FGF12: variants seen among roughly 807,000 people sequenced by gnomAD.
FGF12 encodes fibroblast growth factor 12B.
Under a neutral mutation model 23.6 loss-of-function variants are expected in FGF12, and 14 were observed. The observed-to-expected ratio is 0.59, with a 90% confidence interval of 0.39 to 0.93. The LOEUF (loss-of-function observed/expected upper bound fraction) is 0.93. FGF12 is among the 40% of genes least tolerant of loss of function. The pLI, the probability that FGF12 is intolerant of heterozygous loss-of-function variation, is 0.00. For synonymous variants in FGF12, 62 were observed against 77.3 expected (o/e 0.80, Z 1.04); for missense variants, 175 against 217.8 (o/e 0.80, Z 1.24).
chr3:192,294,665 A>G (rs1200519597), intron 4 of FGF12, among the ~76,000 whole-genome samples: 3 of 152,188 alleles, frequency 2.0e-5, no homozygotes, highest in African/African-American at 7.2e-5. Flanking sequence ...TTAATGTTTA[A>G]CATGCTTTTT....
At chr3:192,447,177 A>C (rs926610159) in intron 2 of FGF12, among the ~76,000 whole-genome samples, 1 of 152,216 alleles carries the variant, frequency 6.6e-6, no homozygotes, top group Admixed American at 6.5e-5. Flanking sequence ...CTGTGTTCCT[A>C]GAGTGCTTGG....
chr3:192,660,697 G>A (rs75178343), intron 2 of FGF12, among the ~76,000 whole-genome samples: 3,972 of 152,158 alleles, frequency 0.026, 76 homozygotes, highest in Non-Finnish European at 0.037. Flanking sequence ...CTTCTACATT[G>A]GAAGCAGGAG....
At chr3:192,594,183 C>T (rs1181244281) in intron 2 of FGF12, among the ~76,000 whole-genome samples, 1 of 151,710 alleles carries the variant, frequency 6.6e-6, no homozygotes, top group Non-Finnish European at 1.5e-5. Context: ...TAACTGGACA[C>T]AATGGATAAA....
At chr3:192,584,428 G>A (rs554578211) in intron 2 of FGF12, among the ~76,000 whole-genome samples, 9 of 151,900 alleles carry the variant, frequency 5.9e-5, no homozygotes, top group East Asian at 1.9e-4. Context: ...GGCCCAGAGA[G>A]GTCCAGAGAT....
At chr3:192,420,322 G>A (rs567113049) in intron 2 of FGF12, among the ~76,000 whole-genome samples, 22 of 149,666 alleles carry the variant, frequency 1.5e-4, no homozygotes, top group African/African-American at 5.5e-4. Flanking sequence ...TTAAGTTGCA[G>A]TCATGGTTAT....
intron 4 of FGF12, among the ~76,000 whole-genome samples, chr3:192,305,820 T>C (rs1375558686): frequency 6.7e-6 from 1 of 148,334 alleles, no homozygotes; most frequent in Non-Finnish European, 1.5e-5. Context: ...TTTTCTAAGA[T>C]AGCAATAATG....
At position 192,408,988 on chromosome 3, in the gene FGF12, G is replaced by C. The variant is rs1214224849; in HGVS notation, c.14-48450C>G. 1.0e-6 allele frequency: 1 copy of C among 984,656 alleles called. No homozygotes were observed. Among genetic ancestry groups the C allele is most frequent in the Non-Finnish European group, 1.2e-6 (1 of 829,598 alleles). The allele number at this position is 984,656 out of a possible 1,614,324, so 61.0% of individuals were successfully genotyped here. A position where few individuals can be genotyped will look rare whatever the true frequency, so the allele number is the denominator to read the frequency against. ...GAGCGGTTACCCGGAGTCTGGGTAG[G>C]GGCGCGGGGCGGGGGCAGCTGTTTC... On this transcript the variant is annotated intron_variant, in intron 2 of 5. Coordinates refer to ENST00000445105, the MANE Select transcript of FGF12 (RefSeq NM_004113.6). This position sits in a 1 kb window ranked among gnomAD's most constrained non-coding sequence, Gnocchi z 7.3.
intron 3 of FGF12, among the ~76,000 whole-genome samples, chr3:192,356,199 C>T (rs1416147664): frequency 6.6e-6 from 1 of 152,152 alleles, no homozygotes; most frequent in Non-Finnish European, 1.5e-5. Context: ...CCTCCCACAC[C>T]AAGGGGGTTT....
chr3:192,504,272 T>C (rs1724228512), intron 2 of FGF12, among the ~76,000 whole-genome samples: 1 of 152,112 alleles, frequency 6.6e-6, no homozygotes, highest in Non-Finnish European at 1.5e-5. Flanking sequence ...AAATAACCTG[T>C]ACCCCAAATC....
At chr3:192,491,575 T>C (rs1007997051) in intron 2 of FGF12, among the ~76,000 whole-genome samples, 6 of 152,152 alleles carry the variant, frequency 3.9e-5, no homozygotes, top group African/African-American at 1.4e-4. Flanking sequence ...CTTTACCTCT[T>C]AGATCTGCAA....
chr3:192,299,814 T>G (rs1325731229), intron 4 of FGF12, among the ~76,000 whole-genome samples: 2 of 152,236 alleles, frequency 1.3e-5, no homozygotes, highest in African/African-American at 4.8e-5. Context: ...CTCTGTGCAA[T>G]GAGTAAGGCA....
intron 3 of FGF12, among the ~76,000 whole-genome samples, chr3:192,356,132 A>AC (rs1174861617): frequency 1.3e-5 from 2 of 152,098 alleles, no homozygotes; most frequent in Non-Finnish European, 2.9e-5. Context: ...ACTAAATGAG[A>AC]CCTTAAAAGT....
At position 192,347,497 on chromosome 3, in the gene FGF12, T is replaced by C. The variant is rs1199130074; in HGVS notation, c.125-12033A>G. On this transcript the variant is annotated intron_variant, in intron 3 of 5. Transcript: ENST00000445105. ...AGCCATTGTTGAGAACCTGGATCTATGAGGAGCGGCTGCTGTCTTCCTTTA... is the reference window on the plus strand; with the variant it reads ...AGCCATTGTTGAGAACCTGGATCTACGAGGAGCGGCTGCTGTCTTCCTTTA... Among the ~76,000 whole-genome samples, 5 of 152,176 alleles carry C rather than the reference T, an allele frequency of 3.3e-5. No homozygotes were observed. In the East Asian group the frequency reaches 9.6e-4, roughly 29 times the overall value.
Position 192,481,304 on chromosome 3 carries a change from T to TA in FGF12, c.14-120767dup, listed in dbSNP as rs11425230. Among the ~76,000 whole-genome samples, 1,332 of 152,166 alleles carry TA rather than the reference T, an allele frequency of 8.8e-3. 17 individuals carry two copies. Among genetic ancestry groups the TA allele is most frequent in the African/African-American group, 0.029 (1,221 of 41,530 alleles). Reference sequence around the variant, plus strand: ...AAGAGCATAAATAGCTTGGATGGTTTAAAAAAATGCACTTATCCTCTCTGA... The same window carrying TA: ...AAGAGCATAAATAGCTTGGATGGTTTAAAAAAAATGCACTTATCCTCTCTGA... On this transcript the variant is annotated intron_variant, in intron 2 of 5. Coordinates refer to ENST00000445105, the MANE Select transcript of FGF12 (RefSeq NM_004113.6).
At chr3:192,321,400 C>T (rs1265449090) in intron 4 of FGF12, among the ~76,000 whole-genome samples, 1 of 151,114 alleles carries the variant, frequency 6.6e-6, no homozygotes, top group East Asian at 2.0e-4. Flanking sequence ...GAACTAATAC[C>T]TACTGTAACA....
At chr3:192,683,304 G>A (rs2108710026) in intron 2 of FGF12, among the ~76,000 whole-genome samples, 1 of 152,246 alleles carries the variant, frequency 6.6e-6, no homozygotes, top group East Asian at 1.9e-4. Flanking sequence ...GATTTGACTT[G>A]CAGCATTACG....
chr3:192,283,709 T>C (rs1390548914), intron 4 of FGF12, among the ~76,000 whole-genome samples: 1 of 152,050 alleles, frequency 6.6e-6, no homozygotes, highest in East Asian at 1.9e-4. Context: ...ATCTCATTAG[T>C]CAAAACTTGA....
intron 4 of FGF12, among the ~76,000 whole-genome samples, chr3:192,331,471 T>G (rs565836901): frequency 6.6e-6 from 1 of 152,038 alleles, no homozygotes; most frequent in African/African-American, 2.4e-5. Flanking sequence ...ATAAACAGAA[T>G]GCAGAATGCG....
intron 3 of FGF12, among the ~76,000 whole-genome samples, chr3:192,341,940 C>T (rs59675959): frequency 0.21 from 31,419 of 152,088 alleles, 4,941 homozygotes; most frequent in East Asian, 0.59. Context: ...AAAAACCTGA[C>T]TTAGAAGTCA....
Sources: allele counts gnomAD v4.1 joint callset (sites outside exome capture counted in the v4.1 genomes callset), GRCh38; gene constraint gnomAD v4.1.1; non-coding constraint Gnocchi (gnomAD v3.1); transcripts MANE v1.5; gene names NCBI Gene and HGNC (gene_info 2026-07-23, HGNC 2026-07-21).